The following RPA3 variants were observed in gnomAD, a reference collection of about 807,000 sequenced individuals.
The protein encoded by RPA3 is replication protein A3.
In RPA3, 24 loss-of-function variants were observed where a neutral mutation model predicts 13.7. That is an observed-to-expected ratio of 1.75 (90% CI 1.27 to 2.46). The LOEUF (loss-of-function observed/expected upper bound fraction) is 2.46. RPA3 is among the 30% of genes most tolerant of loss of function. The pLI is 0.00. For synonymous variants in RPA3, 59 were observed against 51.2 expected, an observed-to-expected ratio of 1.15 and a Z score of -0.65; for missense variants, 183 against 151.0, an observed-to-expected ratio of 1.21 and a Z score of -1.11.
intron 4 of RPA3, among the ~76,000 whole-genome samples, chr7:7,649,445 G>C (rs1006389765): frequency 6.6e-6 from 1 of 152,126 alleles, no homozygotes; most frequent in African/African-American, 2.4e-5. Context: ...ACCTTTTATA[G>C]GTCCCAGCTC....
At chr7:7,637,482 C>T (rs554072899) in intron 7 of RPA3, among the ~76,000 whole-genome samples, 1 of 151,962 alleles carries the variant, frequency 6.6e-6, no homozygotes, top group Non-Finnish European at 1.5e-5. Flanking sequence ...ACAAAATGTA[C>T]CCCCATTTGC....
intron 2 of RPA3, among the ~76,000 whole-genome samples, chr7:7,700,896 A>C (rs1009825502): frequency 6.6e-6 from 1 of 152,090 alleles, no homozygotes; most frequent in African/African-American, 2.4e-5. Flanking sequence ...CTTAAAAAAA[A>C]ACAAAATGCC....
chr7:7,673,501 T>TA (rs1457444654), intron 4 of RPA3: 2 of 682,286 alleles, frequency 2.9e-6, no homozygotes, highest in Admixed American at 4.8e-5. Context: ...ATGTTCTCTT[T>TA]AAAAAATTAC....
chr7:7,698,973 GC>G (rs1445664110), intron 2 of RPA3, among the ~76,000 whole-genome samples: 31 of 148,918 alleles, frequency 2.1e-4, no homozygotes, highest in African/African-American at 7.2e-4. Context: ...TCCCACTTCA[GC>G]CCCCCAAGTA....
rs571839801 is a variant in RPA3 at position 7,713,984 on chromosome 7, G to A, written c.-1028+1191C>T. Among the ~76,000 whole-genome samples the A allele has an allele frequency of 7.9e-5, 12 of 152,274 alleles. No individual in the cohort carries two copies. In the South Asian group the frequency reaches 2.5e-3, roughly 32 times the overall value. On this transcript the variant is annotated intron_variant, in intron 2 of 7. Coordinates refer to ENST00000223129, the MANE Select transcript of RPA3 (RefSeq NM_002947.5). ...TGAGTAGCTGGGACTACAGGCATGT[G>A]CCACCACACCTGCCCCACACGTTTT...
At chr7:7,638,623 G>A (rs1197136084) in intron 6 of RPA3, 1 of 153,978 alleles carries the variant, frequency 6.5e-6, no homozygotes, top group Non-Finnish European at 1.4e-5. Context: ...CCCAGCTACT[G>A]GGGAGGCTGA....
intron 2 of RPA3, among the ~76,000 whole-genome samples, chr7:7,707,460 C>T (rs976901332): frequency 5.9e-5 from 9 of 152,106 alleles, no homozygotes; most frequent in Non-Finnish European, 1.0e-4. Flanking sequence ...ACATGTTGAA[C>T]GTATGTTCCA....
chr7:7,665,505 T>A (rs1439691494), intron 4 of RPA3, among the ~76,000 whole-genome samples: 2 of 152,236 alleles, frequency 1.3e-5, no homozygotes, highest in Non-Finnish European at 2.9e-5. Context: ...CATCTAATTG[T>A]GTCAATAAAT....
At chr7:7,689,827 T>C (rs1335548838) in intron 2 of RPA3, among the ~76,000 whole-genome samples, 15 of 152,194 alleles carry the variant, frequency 9.9e-5, no homozygotes, top group Non-Finnish European at 1.5e-5. Context: ...TTGTGCATTT[T>C]GGATATTGCT....
intron 4 of RPA3, among the ~76,000 whole-genome samples, chr7:7,672,307 A>G (rs1779626287): frequency 6.6e-6 from 1 of 152,150 alleles, no homozygotes; most frequent in Non-Finnish European, 1.5e-5. Flanking sequence ...TTGTTGGCCT[A>G]CTTGAATGTA....
chr7:7,688,567 T>G (rs1222971957), intron 2 of RPA3, among the ~76,000 whole-genome samples: 3 of 152,202 alleles, frequency 2.0e-5, no homozygotes, highest in African/African-American at 7.2e-5. Flanking sequence ...TCAGATGAAA[T>G]CTGTCTCGAG....
intron 4 of RPA3, among the ~76,000 whole-genome samples, chr7:7,663,849 C>G (rs562541129): frequency 6.6e-6 from 1 of 152,278 alleles, no homozygotes; most frequent in African/African-American, 2.4e-5. Context: ...AACTGATCTC[C>G]TATTCCTACA....
At chr7:7,666,141 T>A (rs536854445) in intron 4 of RPA3, among the ~76,000 whole-genome samples, 115 of 152,278 alleles carry the variant, frequency 7.6e-4, no homozygotes, top group African/African-American at 2.7e-3. Flanking sequence ...AGAGTTCCAG[T>A]TGCTCCATAT....
intron 4 of RPA3, among the ~76,000 whole-genome samples, chr7:7,656,951 A>G (rs143406330): frequency 7.1e-4 from 108 of 152,290 alleles, no homozygotes; most frequent in African/African-American, 2.5e-3. Flanking sequence ...AAGCCTTCCT[A>G]TTTCTACACA....
chr7:7,673,447 C>T, intron 4 of RPA3: 1 of 853,738 alleles, frequency 1.2e-6, no homozygotes, highest in Non-Finnish European at 1.9e-6. Flanking sequence ...TGGATTCGTC[C>T]TTTTAGGTGA....
chr7:7,636,852 C>T lies in RPA3; in HGVS notation c.*148G>A, dbSNP rs1254157754. 1 of 646,912 alleles carries T rather than the reference C, an allele frequency of 1.5e-6. No individual in the cohort carries two copies. The highest frequency in any genetic ancestry group is 2.7e-6 in the Non-Finnish European group (1 of 364,940). The allele number at this position is 646,912 out of a possible 1,614,324, so 40.1% of individuals were successfully genotyped here. ...ACTTCGGTGAGAACTGTCAATATAT[C>T]AGTTCCATCAAAAACTCTAGGTTGG... On this transcript the variant is annotated 3_prime_UTR_variant, in exon 8 of 8. Coordinates refer to ENST00000223129, the MANE Select transcript of RPA3 (RefSeq NM_002947.5).
At chr7:7,675,708 T>G (rs572004577) in intron 4 of RPA3, among the ~76,000 whole-genome samples, 1 of 152,282 alleles carries the variant, frequency 6.6e-6, no homozygotes, top group African/African-American at 2.4e-5. Context: ...GCATAATTGG[T>G]GTCGTACCCA....
At chr7:7,680,057 T>G (rs963721435) in intron 4 of RPA3, among the ~76,000 whole-genome samples, 5 of 152,080 alleles carry the variant, frequency 3.3e-5, no homozygotes, top group South Asian at 4.1e-4. Flanking sequence ...GTAATCCCAT[T>G]TGTCCATTTT....
intron 2 of RPA3, among the ~76,000 whole-genome samples, chr7:7,711,045 AAGTT>A (rs1451591200): frequency 2.0e-5 from 3 of 152,164 alleles, no homozygotes; most frequent in Non-Finnish European, 2.9e-5. Flanking sequence ...GATGGGGTGA[AAGTT>A]AGAGGCAAGT....
Sources: allele counts gnomAD v4.1 joint callset (sites outside exome capture counted in the v4.1 genomes callset), GRCh38; gene constraint gnomAD v4.1.1; transcripts MANE v1.5; gene names NCBI Gene and HGNC (gene_info 2026-07-23, HGNC 2026-07-21).